LSM7: variants seen among roughly 807,000 people sequenced by gnomAD.
LSM7 encodes the protein U6 snRNA-associated Sm-like protein LSm7.
Under a neutral mutation model 14.1 loss-of-function variants are expected in LSM7, and 13 were observed. The observed-to-expected ratio is 0.92, with a 90% confidence interval of 0.60 to 1.47. LSM7 has a LOEUF of 1.47. Ranked by LOEUF, LSM7 falls within the 40% of genes most tolerant of loss-of-function variation. The probability of loss-of-function intolerance (pLI) is 0.00; values close to 1 mark genes in which losing one functional copy is unlikely to be tolerated. For synonymous variants in LSM7, 70 were observed against 57.1 expected (o/e 1.23, Z -1.02); for missense variants, 108 against 140.8 (o/e 0.77, Z 1.18).
intron 2 of LSM7, among the ~76,000 whole-genome samples, chr19:2,326,883 C>T (rs531055889): frequency 6.6e-6 from 1 of 152,344 alleles, no homozygotes; most frequent in South Asian, 2.1e-4. Context: ...AACAGAGTCC[C>T]GAGCTGGCAG....
Position 2,324,194 on chromosome 19 carries a change from T to TG in LSM7, c.99dup (p.Ser34GlnfsTer20). 6.3e-7 allele frequency: 1 copy of TG among 1,577,030 alleles called. No homozygotes were observed. Among genetic ancestry groups the TG allele is most frequent in the South Asian group, 1.2e-5 (1 of 85,802 alleles). On this transcript the variant is annotated frameshift_variant and splice_region_variant, in exon 3 of 4. Transcript: ENST00000252622. LOFTEE classifies it high-confidence loss of function. The stretch of plus-strand genomic sequence containing the variant: ...GGGTCGAAGCCCTTCAGGATTCCAC[T>TG]GGCTTGGAGAAATCACCGGGGGAGA...
intron 2 of LSM7, 106 bp downstream of exon 2, chr19:2,328,281 T>A: frequency 5.0e-6 from 5 of 990,888 alleles, no homozygotes; most frequent in Non-Finnish European, 7.4e-6. Flanking sequence ...AAAAAAATAA[T>A]GAAAATAAAT....
chr19:2,328,286 A>G (rs1264742281), intron 2 of LSM7, 101 bp downstream of exon 2: 9 of 1,014,690 alleles, frequency 8.9e-6, no homozygotes, highest in Non-Finnish European at 1.3e-5. Context: ...AATAATGAAA[A>G]TAAATAAAAG....
intron 2 of LSM7, among the ~76,000 whole-genome samples, chr19:2,326,903 G>C (rs12976273): frequency 6.6e-6 from 1 of 151,810 alleles, no homozygotes; most frequent in East Asian, 1.9e-4. Context: ...GCGTCCGGGA[G>C]CTGCAAGTGT....
intron 3 of LSM7, among the ~76,000 whole-genome samples, chr19:2,323,808 C>T (rs1203954729): frequency 6.6e-6 from 1 of 152,168 alleles, no homozygotes; most frequent in Non-Finnish European, 1.5e-5. Flanking sequence ...AAAGGTTGTC[C>T]TCTAACTGTG....
chr19:2,328,294 A>G, intron 2 of LSM7, 93 bp downstream of exon 2: 2 of 1,057,042 alleles, frequency 1.9e-6, no homozygotes, highest in Non-Finnish European at 2.8e-6. Flanking sequence ...AAATAAATAA[A>G]AGAGGTGCTT....
At chr19:2,328,198 A>C in intron 2 of LSM7, 189 bp downstream of exon 2, 1 of 563,336 alleles carries the variant, frequency 1.8e-6, no homozygotes, top group East Asian at 3.0e-5. Flanking sequence ...TGAACCTGGG[A>C]GGCGGAGGTT....
intron 3 of LSM7, 31 bp downstream of exon 3, chr19:2,324,094 C>T (rs750309299): frequency 2.0e-5 from 30 of 1,527,362 alleles, no homozygotes; most frequent in South Asian, 1.2e-4. Context: ...CCCCTCGTCC[C>T]GCTGCCTGCC....
chr19:2,325,489 C>T (rs1255670406), intron 2 of LSM7, among the ~76,000 whole-genome samples: 1 of 152,196 alleles, frequency 6.6e-6, no homozygotes, highest in Non-Finnish European at 1.5e-5. Flanking sequence ...TCTGCACGCC[C>T]ACGCCAATCT....
chr19:2,323,935 C>T (rs939992636), intron 3 of LSM7, among the ~76,000 whole-genome samples, 190 bp downstream of exon 3: 3 of 152,174 alleles, frequency 2.0e-5, no homozygotes, highest in African/African-American at 7.2e-5. Context: ...AGTGAGCGCT[C>T]AAGCCCGTCC....
chr19:2,328,580 G>C lies in LSM7; in HGVS notation c.-14C>G, dbSNP rs1211169482. On this transcript the variant is annotated 5_prime_UTR_variant, in exon 1 of 4. Coordinates refer to ENST00000252622, the MANE Select transcript of LSM7 (RefSeq NM_016199.3). ...GCTCACCGCCATCTTGTCGCGCCGT[G>C]TGGCTCTTCGCAGGCACCGCCCCGC... The C allele has an allele frequency of 3.2e-6, 5 of 1,573,668 alleles. No individual in the cohort carries two copies. The highest frequency in any genetic ancestry group is 4.3e-6 in the Non-Finnish European group (5 of 1,162,298).
At chr19:2,328,231 C>G in intron 2 of LSM7, 156 bp downstream of exon 2, 1 of 657,638 alleles carries the variant, frequency 1.5e-6, no homozygotes. Context: ...GATCGCACCA[C>G]TGCACTCCAG....
intron 3 of LSM7, among the ~76,000 whole-genome samples, chr19:2,323,592 A>G (rs1279116206): frequency 1.3e-5 from 2 of 152,164 alleles, no homozygotes; most frequent in East Asian, 3.9e-4. Context: ...CTGGGATTAC[A>G]GGCATGCGCC....
At position 2,321,640 on chromosome 19, in the gene LSM7, T is replaced by C; in HGVS notation, c.*40A>G. On this transcript the variant is annotated 3_prime_UTR_variant, in exon 4 of 4. Coordinates refer to ENST00000252622, the MANE Select transcript of LSM7 (RefSeq NM_016199.3). This position sits in a 1 kb window ranked among gnomAD's most constrained non-coding sequence, Gnocchi z 5.0. ...CAGCCAAGTCCGCGGGAAACCGAGC[T>C]GCTCGGGCCTGCCCTGCACCCCCCG... 7.3e-7 allele frequency: 1 copy of C among 1,372,910 alleles called. No homozygotes were observed. The highest frequency in any genetic ancestry group is 9.5e-7 in the Non-Finnish European group (1 of 1,057,978). The allele number at this position is 1,372,910 out of a possible 1,614,324, so 85.0% of individuals were successfully genotyped here.
rs536697442 is a variant in LSM7 at position 2,323,225 on chromosome 19, C to G, written c.169+900G>C. Among the ~76,000 whole-genome samples, 137 of 152,248 alleles carry G rather than the reference C, an allele frequency of 9.0e-4. 3 individuals are homozygous for G. Among genetic ancestry groups the G allele is most frequent in the African/African-American group, 3.2e-3 (132 of 41,546 alleles). On this transcript the variant is annotated intron_variant, in intron 3 of 3. Coordinates refer to ENST00000252622, the MANE Select transcript of LSM7 (RefSeq NM_016199.3). ...GGGCAGGGAAATGAGGGAGGGTCCT[C>G]TGGGGAGGAGACAGGGACCCTGCGT...
intron 3 of LSM7, among the ~76,000 whole-genome samples, chr19:2,323,231 A>G (rs1221006125): frequency 6.6e-6 from 1 of 152,076 alleles, no homozygotes; most frequent in Non-Finnish European, 1.5e-5. Context: ...TCCTCTGGGG[A>G]GGAGACAGGG....
intron 2 of LSM7, among the ~76,000 whole-genome samples, chr19:2,325,251 G>T (rs1172024406): frequency 6.6e-6 from 1 of 152,172 alleles, no homozygotes; most frequent in Non-Finnish European, 1.5e-5. Flanking sequence ...ACACTGAGAA[G>T]GGTGAAGGGG....
At position 2,321,694 on chromosome 19, in the gene LSM7, G is replaced by T; in HGVS notation, c.298C>A (p.Gln100Lys). The T allele has an allele frequency of 6.4e-7, 1 of 1,551,216 alleles. No homozygotes were observed. The highest frequency in any genetic ancestry group is 8.7e-7 in the Non-Finnish European group (1 of 1,149,818). ...CCCCGGCCAGGCTAGGCGTCCTGCT[G>T]CTGGATGAAGGGGTTGGGGATGGCC... ...MEAIPNPFIQ[Q>K]QDA The change falls in exon 4 of 4, where the codon CAG becomes AAG. Residue 100 changes from glutamine to lysine, a missense_variant. By Grantham distance (53) the Gln-to-Lys change is moderately conservative. Transcript: ENST00000252622. This position sits in a 1 kb window ranked among gnomAD's most constrained non-coding sequence, Gnocchi z 5.0.
intron 3 of LSM7, among the ~76,000 whole-genome samples, chr19:2,323,717 G>C (rs563883024): frequency 1.3e-5 from 2 of 152,160 alleles, no homozygotes; most frequent in Admixed American, 6.5e-5. Flanking sequence ...CTCCCAAAGC[G>C]CTGGGATTAT....
Sources: gnomAD v4.1 joint callset for allele counts (sites outside exome capture counted in the v4.1 genomes callset) on GRCh38, gnomAD v4.1.1 for gene constraint, Gnocchi (gnomAD v3.1) non-coding constraint, MANE v1.5 for transcripts, NCBI Gene and HGNC (gene_info 2026-07-23, HGNC 2026-07-21) for gene names.